The following TSHZ2 variants were observed in gnomAD, a reference collection of about 807,000 sequenced individuals.
TSHZ2 encodes the protein teashirt zinc finger homeobox 2.
In TSHZ2, 21 loss-of-function variants were observed where a neutral mutation model predicts 74.4. That is an observed-to-expected ratio of 0.28 (90% CI 0.20 to 0.41). The LOEUF (loss-of-function observed/expected upper bound fraction) is 0.41. Ranked by LOEUF, TSHZ2 falls within the 10% of genes least tolerant of loss-of-function variation. The pLI, the probability that TSHZ2 is intolerant of heterozygous loss-of-function variation, is 1.00. For missense variants in TSHZ2, 1,244 were observed against 1,293.5 expected (o/e 0.96, Z 0.59); for synonymous variants, 540 against 515.3 (o/e 1.05, Z -0.65).
intron 1 of TSHZ2, among the ~76,000 whole-genome samples, chr20:53,233,676 C>G (rs1039525536): frequency 1.3e-5 from 2 of 152,184 alleles, no homozygotes; most frequent in Middle Eastern, 6.3e-3. Context: ...AATAAATTAT[C>G]TGCTTGTTCA....
rs573250917 is a variant in TSHZ2 at position 53,377,210 on chromosome 20, C to G, written c.*9-109934C>G. 2.6e-5 allele frequency among the ~76,000 whole-genome samples: 4 copies of G among 152,366 alleles called. No individual in the cohort carries two copies. The East Asian group carries it at 7.7e-4, about 29-fold the overall frequency. On this transcript the variant is annotated intron_variant, in intron 2 of 2. Transcript: ENST00000371497. Reference sequence around the variant, plus strand: ...CCCTTTCAAGAACCTTACACTTGCTCTCTCTACTGCATCAAGGAATACTGC... The same window carrying G: ...CCCTTTCAAGAACCTTACACTTGCTGTCTCTACTGCATCAAGGAATACTGC...
Position 53,074,995 on chromosome 20 carries a change from A to G in TSHZ2, c.40+101662A>G, listed in dbSNP as rs937765162. ...CTCTTTTGTCGCTGACGTTTCCTCC[A>G]TGTGGAAAGCTTTGAAAGTGCTCCA... On this transcript the variant is annotated intron_variant, in intron 1 of 2. Coordinates refer to ENST00000371497, the MANE Select transcript of TSHZ2 (RefSeq NM_173485.6). The surrounding 1 kb of genome is among the most constrained non-coding windows in gnomAD (Gnocchi z 5.9). 1.3e-5 allele frequency among the ~76,000 whole-genome samples: 2 copies of G among 152,160 alleles called. No individual in the cohort carries two copies. Among genetic ancestry groups the G allele is most frequent in the African/African-American group, 2.4e-5 (1 of 41,438 alleles).
chr20:53,130,060 A>C (rs188746492), intron 1 of TSHZ2, among the ~76,000 whole-genome samples: 5 of 152,008 alleles, frequency 3.3e-5, no homozygotes, highest in Admixed American at 3.3e-4. Context: ...AAGAAGAAAA[A>C]AAGTAGGAAA....
chr20:53,184,875 T>C (rs980900077), intron 1 of TSHZ2, among the ~76,000 whole-genome samples: 2 of 152,230 alleles, frequency 1.3e-5, no homozygotes, highest in Middle Eastern at 3.4e-3. Flanking sequence ...GCCTTGTTAA[T>C]TTTTATATTT....
chr20:53,067,277 G>A (rs1218128898), intron 1 of TSHZ2, among the ~76,000 whole-genome samples: 9 of 152,192 alleles, frequency 5.9e-5, no homozygotes. Context: ...TAAGGGAGGT[G>A]AGAAGTAACT....
intron 1 of TSHZ2, among the ~76,000 whole-genome samples, chr20:53,054,499 G>T (rs1032187587): frequency 6.6e-6 from 1 of 152,114 alleles, no homozygotes; most frequent in Non-Finnish European, 1.5e-5. Context: ...AAGCAAATCC[G>T]CAGAACTTTA....
At chr20:53,237,502 TGA>T (rs746126001) in intron 1 of TSHZ2, among the ~76,000 whole-genome samples, 21 of 115,564 alleles carry the variant, frequency 1.8e-4, no homozygotes, top group Non-Finnish European at 2.7e-4. Flanking sequence ...TTTCTCTGTG[TGA>T]GTGTGTGTGT....
At chr20:53,379,012 C>T (rs976570852) in intron 2 of TSHZ2, among the ~76,000 whole-genome samples, 12 of 152,230 alleles carry the variant, frequency 7.9e-5, no homozygotes, top group African/African-American at 2.4e-4. Flanking sequence ...GCACAGGTAC[C>T]ATGTGGGATT....
At chr20:53,165,323 G>C (rs956254162) in intron 1 of TSHZ2, among the ~76,000 whole-genome samples, 1 of 152,198 alleles carries the variant, frequency 6.6e-6, no homozygotes, top group East Asian at 1.9e-4. Context: ...TAACTAGTAA[G>C]TTACACAGGC....
chr20:53,319,665 G>A (rs190612994), intron 2 of TSHZ2, among the ~76,000 whole-genome samples: 17 of 152,344 alleles, frequency 1.1e-4, no homozygotes, highest in South Asian at 4.1e-4. Flanking sequence ...ACGGCTGTCC[G>A]GATCTCATGT....
chr20:53,077,651 TCACA>T (rs1985408934), intron 1 of TSHZ2, among the ~76,000 whole-genome samples: 1 of 151,938 alleles, frequency 6.6e-6, no homozygotes, highest in Non-Finnish European at 1.5e-5. Flanking sequence ...CAAGCCTGAG[TCACA>T]CAGACAGGGT....
intron 1 of TSHZ2, among the ~76,000 whole-genome samples, chr20:53,118,478 G>A (rs764883952): frequency 7.9e-5 from 12 of 152,138 alleles, no homozygotes; most frequent in East Asian, 1.9e-4. Flanking sequence ...GGAGAAAGAT[G>A]AGTGGAGGGA....
intron 1 of TSHZ2, among the ~76,000 whole-genome samples, chr20:53,201,824 T>A (rs1236397233): frequency 2.0e-5 from 3 of 152,156 alleles, no homozygotes; most frequent in Admixed American, 1.3e-4. Flanking sequence ...ACCCACTAGA[T>A]GTCAGTAGCA....
chr20:53,372,547 C>T (rs1981514787), intron 2 of TSHZ2, among the ~76,000 whole-genome samples: 1 of 151,920 alleles, frequency 6.6e-6, no homozygotes, highest in Non-Finnish European at 1.5e-5. Flanking sequence ...GAAGGAAGGA[C>T]CCAGTTTATT....
At chr20:53,171,105 C>CTTTGCTT (rs1408350655) in intron 1 of TSHZ2, among the ~76,000 whole-genome samples, 14 of 152,174 alleles carry the variant, frequency 9.2e-5, no homozygotes, top group Non-Finnish European at 2.1e-4. Context: ...GAACATTCAG[C>CTTTGCTT]TTTGCTTTTA....
chr20:53,459,898 G>A (rs1371831637), intron 2 of TSHZ2, among the ~76,000 whole-genome samples: 2 of 152,120 alleles, frequency 1.3e-5, no homozygotes, highest in Non-Finnish European at 1.5e-5. Context: ...CACTCTTTCT[G>A]GCTTGTAGGG....
chr20:53,301,458 T>C (rs1054658838), intron 2 of TSHZ2, among the ~76,000 whole-genome samples: 4 of 152,206 alleles, frequency 2.6e-5, no homozygotes, highest in Non-Finnish European at 5.9e-5. Flanking sequence ...AATATGTTTA[T>C]CTACCCTGCT....
intron 1 of TSHZ2, among the ~76,000 whole-genome samples, chr20:53,053,619 G>T (rs1984549826): frequency 6.6e-6 from 1 of 152,018 alleles, no homozygotes; most frequent in Admixed American, 6.5e-5. Flanking sequence ...ATATCTAATG[G>T]AAGAGACTTG....
In TSHZ2 at chr20:53,473,411, C is replaced by T. The variant is rs572414395; in HGVS notation, c.*9-13733C>T. ...AGCAGGGGCACACTGACACCTCACA[C>T]GGCAGGGTATTCCAACAGACCTGTG... On this transcript the variant is annotated intron_variant, in intron 2 of 2. Coordinates refer to ENST00000371497, the MANE Select transcript of TSHZ2 (RefSeq NM_173485.6). 4.0e-4 allele frequency among the ~76,000 whole-genome samples: 56 copies of T among 141,278 alleles called. 4 individuals are homozygous for T. Among genetic ancestry groups the T allele is most frequent in the Admixed American group, 2.1e-3 (30 of 14,234 alleles). The allele number at this position is 141,278 out of a possible 152,430, so 92.7% of individuals were successfully genotyped here. A position where few individuals can be genotyped will look rare whatever the true frequency, so the allele number is the denominator to read the frequency against.
Sources: gnomAD v4.1 joint callset for allele counts (sites outside exome capture counted in the v4.1 genomes callset) on GRCh38, gnomAD v4.1.1 for gene constraint, Gnocchi (gnomAD v3.1) non-coding constraint, MANE v1.5 for transcripts, NCBI Gene and HGNC (gene_info 2026-07-23, HGNC 2026-07-21) for gene names.